MUC12: variants seen among roughly 807,000 people sequenced by gnomAD.
MUC12 encodes mucin-12.
In MUC12, 172 loss-of-function variants were observed where a neutral mutation model predicts 230.8. The ratio of observed to expected loss-of-function variants is 0.75; its 90% CI spans 0.66 to 0.85. The LOEUF is 0.85. Ranked by LOEUF, MUC12 falls within the 40% of genes least tolerant of loss-of-function variation. MUC12 has a pLI of 0.00. For missense variants in MUC12, 3,506 were observed against 5,920.6 expected (o/e 0.59, Z 13.38); for synonymous variants, 1,259 against 2,401.9 (o/e 0.52, Z 13.91).
rs1793720503 is a variant in MUC12 at position 101,005,090 on chromosome 7, G to A, written c.14527G>A (p.Val4843Met). Residue 4843 changes from valine (V) to methionine (M), a missense_variant, in exon 2 of 12, where the codon GTG (valine) becomes ATG (methionine). Transcript: ENST00000536621. ...LSTVSPASTT[V>M]PGLSEESTTF... ...AACAGTGTCACCTGCCAGCACCACA[G>A]TGCCAGGCCTTAGTGAGGAATCTAC... 1 of 1,537,812 alleles carries A rather than the reference G, an allele frequency of 6.5e-7. No individual in the cohort carries two copies. Among genetic ancestry groups the A allele is most frequent in the Non-Finnish European group, 8.7e-7 (1 of 1,147,048 alleles).
chr7:100,972,369 C>T (rs1250263591), intron 1 of MUC12, among the ~76,000 whole-genome samples: 2 of 946 alleles, frequency 2.1e-3, no homozygotes. Flanking sequence ...CTAGAGGATC[C>T]CAGTTCTCTC....
At chr7:100,985,882 C>T (rs760265908) in intron 1 of MUC12, among the ~76,000 whole-genome samples, 12 of 152,152 alleles carry the variant, frequency 7.9e-5, no homozygotes, top group Admixed American at 2.0e-4. Context: ...CCCTGCCACC[C>T]TCACTTTGGT....
At position 101,005,055 on chromosome 7, in the gene MUC12, C is replaced by G. The variant is rs765940788; in HGVS notation, c.14492C>G (p.Ser4831Ter). 6.5e-6 allele frequency: 10 copies of G among 1,537,792 alleles called. No individual in the cohort carries two copies. The Admixed American group carries it at 1.8e-4, about 27-fold the overall frequency. Residue 4831 changes from serine (S) to a stop codon, truncating the protein, a stop_gained, in exon 2 of 12, where the codon TCA (serine) becomes TGA (stop). Transcript: ENST00000536621. LOFTEE classifies it high-confidence loss of function. ...ACCACCCCTCATAGCCAACCAGGCT[C>G]AGCTCTGTCAACAGTGTCACCTGCC... ...EFTTPHSQPG[S>*]ALSTVSPAST...
At chr7:100,982,593 C>A (rs114610177) in intron 1 of MUC12, among the ~76,000 whole-genome samples, 1 of 151,890 alleles carries the variant, frequency 6.6e-6, no homozygotes, top group Non-Finnish European at 1.5e-5. Context: ...CACAGCACCA[C>A]GCCTGACTAA....
intron 8 of MUC12, among the ~76,000 whole-genome samples, chr7:101,013,458 T>C (rs1793870675): frequency 6.6e-6 from 1 of 152,228 alleles, no homozygotes; most frequent in South Asian, 2.1e-4. Context: ...TCTTTGTATC[T>C]CTATCTCAAT....
rs1421213970 is a variant in MUC12 at position 100,993,495 on chromosome 7, T to A, written c.2932T>A (p.Ser978Thr). Residue 978 changes from serine (S) to threonine (T), a missense_variant, in exon 2 of 12, where the codon TCC (serine) becomes ACC (threonine). Ser to Thr is a moderately conservative substitution (Grantham distance 58). Coordinates refer to ENST00000536621, the MANE Select transcript of MUC12 (RefSeq NM_001164462.2). ...CACTGGCTCACCACGCACAACACTG[T>A]CCCCTGCCAGCTCCACAAGCCCTGG... ...SSTGSPRTTL[S>T]PASSTSPGLQ... 9.8e-7 allele frequency: 1 copy of A among 1,019,772 alleles called. No homozygotes were observed. The highest frequency in any genetic ancestry group is 1.3e-6 in the Non-Finnish European group (1 of 756,502). The allele number at this position is 1,019,772 out of a possible 1,614,324, so 63.2% of individuals were successfully genotyped here. A position where few individuals can be genotyped will look rare whatever the true frequency, so the allele number is the denominator to read the frequency against.
At chr7:100,983,368 C>T (rs1010248472) in intron 1 of MUC12, among the ~76,000 whole-genome samples, 4 of 150,872 alleles carry the variant, frequency 2.7e-5, no homozygotes, top group Admixed American at 6.6e-5. Flanking sequence ...TGCAGTGAGC[C>T]GAGATCCTGC....
rs772815770 is a variant in MUC12, at chr7:100,991,607, C to A, written c.1044C>A (p.Arg348=). 2.0e-6 allele frequency: 3 copies of A among 1,537,002 alleles called. No homozygotes were observed. The highest frequency in any genetic ancestry group is 2.4e-5 in the South Asian group (2 of 84,022). The change falls in exon 2 of 12, where the codon CGC becomes CGA. Residue 348 remains arginine, a synonymous_variant. Coordinates refer to ENST00000536621, the MANE Select transcript of MUC12 (RefSeq NM_001164462.2). ...CTGCAACAACACCCCCACCTGCCCG[C>A]TCCGCGACCTCAGGCCATGTTGAAG... ...VATATTPPPA[R]SATSGHVEES... is the part of the protein sequence containing the mutation.
intron 4 of MUC12, 91 bp from the exon 5 acceptor site, chr7:101,009,004 C>A: frequency 7.0e-7 from 1 of 1,436,176 alleles, no homozygotes; most frequent in Non-Finnish European, 9.5e-7. Context: ...CTGGGCTCCA[C>A]AGAAAGGTGC....
At chr7:101,017,002 A>AC (rs368086292) in intron 10 of MUC12, 2,308 of 145,962 alleles carry the variant, frequency 0.016, 35 homozygotes, top group African/African-American at 0.04. Context: ...TGAAAGGAGA[A>AC]CCCCCCCCCA....
At position 101,015,534 on chromosome 7, in the gene MUC12, G is replaced by A. The variant is rs1057452122; in HGVS notation, c.15801-81G>A. 80 of 1,235,746 alleles carry A rather than the reference G, an allele frequency of 6.5e-5. No homozygotes were observed. The Admixed American group carries it at 1.2e-3, about 19-fold the overall frequency. 76.5% of individuals were successfully genotyped at this position (1,235,746 alleles called of 1,614,324 possible). A position where few individuals can be genotyped will look rare whatever the true frequency, so the allele number is the denominator to read the frequency against. ...GGGGTGTGGCTGTGACTGTCCCCTC[G>A]AGGGAAGCTGAAGGTCAGGGTCCAC... On this transcript the variant is annotated intron_variant, in intron 9 of 11. Transcript: ENST00000536621.
In MUC12 at chr7:101,005,126, A is replaced by C; in HGVS notation, c.14563A>C (p.Ser4855Arg). The C allele has an allele frequency of 6.5e-7, 1 of 1,537,972 alleles. No homozygotes were observed. Among genetic ancestry groups the C allele is most frequent in the Non-Finnish European group, 8.7e-7 (1 of 1,147,082 alleles). ...GLSEESTTFY[S>R]SPGSTETTAF... ...TAGTGAGGAATCTACCACCTTCTAC[A>C]GCAGCCCAGGCTCAACTGAAACCAC... is the stretch of plus-strand genomic sequence containing the variant. Residue 4855 changes from serine to arginine, a missense_variant, in exon 2 of 12, where the codon AGC becomes CGC. Ser to Arg is a moderately radical substitution (Grantham distance 110). Transcript: ENST00000536621.
chr7:101,014,899 C>G (rs1793892906), intron 9 of MUC12, among the ~76,000 whole-genome samples: 1 of 152,110 alleles, frequency 6.6e-6, no homozygotes, highest in South Asian at 2.1e-4. Flanking sequence ...CCTCTCACCT[C>G]AGCCTACAAA....
At position 100,991,369 on chromosome 7, in the gene MUC12, C is replaced by T. The variant is rs1178155557; in HGVS notation, c.806C>T (p.Thr269Ile). ...PHTTLSPSSSTTHEGEPTTFQ... is the reference protein window; with the variant it reads ...PHTTLSPSSSITHEGEPTTFQ... ...ACAACACTGTCCCCTTCCAGCTCTA[C>T]AACCCATGAGGGAGAACCTACCACC... The change falls in exon 2 of 12, where the codon ACA (threonine) becomes ATA (isoleucine). Residue 269 changes from threonine to isoleucine, a missense_variant. Coordinates refer to ENST00000536621, the MANE Select transcript of MUC12 (RefSeq NM_001164462.2). 1 of 1,537,718 alleles carries T rather than the reference C, an allele frequency of 6.5e-7. No individual in the cohort carries two copies. The highest frequency in any genetic ancestry group is 8.7e-7 in the Non-Finnish European group (1 of 1,147,048).
intron 9 of MUC12, among the ~76,000 whole-genome samples, chr7:101,014,802 A>C (rs918985483): frequency 1.3e-4 from 20 of 151,726 alleles, no homozygotes; most frequent in African/African-American, 4.6e-4. Context: ...ATTAAATTAA[A>C]TTAAATTAAA....
Position 100,991,348 on chromosome 7 carries a change from C to T in MUC12, c.785C>T (p.Thr262Ile). The T allele has an allele frequency of 6.5e-7, 1 of 1,537,846 alleles. No homozygotes were observed. ...VHSSTGSPHT[T>I]LSPSSSTTHE... ...AGCAGCACTGGATCGCCACACACAACACTGTCCCCTTCCAGCTCTACAACC... is the reference window on the plus strand; with the variant it reads ...AGCAGCACTGGATCGCCACACACAATACTGTCCCCTTCCAGCTCTACAACC... The change falls in exon 2 of 12, where the codon ACA becomes ATA. Residue 262 changes from threonine (T) to isoleucine (I), a missense_variant. By Grantham distance (89) the Thr-to-Ile change is moderately conservative. Transcript: ENST00000536621.
At chr7:101,014,846 C>A (rs1003150444) in intron 9 of MUC12, among the ~76,000 whole-genome samples, 1 of 152,012 alleles carries the variant, frequency 6.6e-6, no homozygotes, top group South Asian at 2.1e-4. Flanking sequence ...TAGGGTCTCA[C>A]TATATTGCCC....
rs1046934686 is a variant in MUC12 at position 101,004,677 on chromosome 7, C to T, written c.14114C>T (p.Ser4705Leu). 4 of 1,537,810 alleles carry T rather than the reference C, an allele frequency of 2.6e-6. No individual in the cohort carries two copies. The highest frequency in any genetic ancestry group is 1.4e-5 in the African/African-American group (1 of 73,032). ...CCCTTACCTGCCCATTTTACTACCT[C>T]AGGCCGCATTGCAGAATCTACCACC... ...ITPLPAHFTTSGRIAESTTFY... is the reference protein window; with the variant it reads ...ITPLPAHFTTLGRIAESTTFY... Residue 4705 changes from serine to leucine, a missense_variant, in exon 2 of 12, where the codon TCA (serine) becomes TTA (leucine). Transcript: ENST00000536621.
At chr7:100,987,401 G>A (rs1380928817) in intron 1 of MUC12, among the ~76,000 whole-genome samples, 1 of 152,062 alleles carries the variant, frequency 6.6e-6, no homozygotes, top group Non-Finnish European at 1.5e-5. Flanking sequence ...GTAGCCCTTT[G>A]AGTGGGCCTG....
Sources: allele counts gnomAD v4.1 joint callset (sites outside exome capture counted in the v4.1 genomes callset), GRCh38; gene constraint gnomAD v4.1.1; transcripts MANE v1.5; gene names NCBI Gene and HGNC (gene_info 2026-07-23, HGNC 2026-07-21).